The following MXI1 variants were observed in gnomAD, a reference collection of about 807,000 sequenced individuals.
MXI1 encodes the protein max-interacting protein 1.
MXI1 carries 18 observed loss-of-function variants against 36.9 expected under a neutral mutation model. The ratio of observed to expected loss-of-function variants is 0.49; its 90% confidence interval spans 0.34 to 0.72. MXI1 has a LOEUF of 0.72. Among genes scored for constraint, MXI1 ranks in the 30% least tolerant of loss-of-function variants. The probability of loss-of-function intolerance (pLI) is 0.01; values close to 1 mark genes in which losing one functional copy is unlikely to be tolerated. For synonymous variants in MXI1, 160 were observed against 146.7 expected, an observed-to-expected ratio of 1.09 and a Z score of -0.65; for missense variants, 304 against 379.1, an observed-to-expected ratio of 0.80 and a Z score of 1.64.
At position 110,210,717 on chromosome 10, in the gene MXI1, T is replaced by TG. The variant is rs1176146881; in HGVS notation, c.274+2641dup. On this transcript the variant is annotated intron_variant, in intron 1 of 5. Transcript: ENST00000332674. ...CGGGCCCTACATCTGCCTCGTTTTA[T>TG]GGGGGGCGCTTCTTCGCGCTGGCGG... Among the ~76,000 whole-genome samples, 3 of 152,304 alleles carry TG rather than the reference T, an allele frequency of 2.0e-5. No homozygotes were observed. In the East Asian group the frequency reaches 5.8e-4, roughly 29 times the overall value.
At chr10:110,239,937 CTTTT>C (rs199992349) in intron 2 of MXI1, among the ~76,000 whole-genome samples, 1 of 148,752 alleles carries the variant, frequency 6.7e-6, no homozygotes, top group Non-Finnish European at 1.5e-5. Flanking sequence ...GCAATTCCAA[CTTTT>C]TTTTTTAATT....
intron 3 of MXI1, among the ~76,000 whole-genome samples, chr10:110,275,886 T>C (rs1473281050): frequency 6.6e-6 from 1 of 152,144 alleles, no homozygotes; most frequent in Admixed American, 6.5e-5. Context: ...GTGAGATATC[T>C]CAGGGTATAT....
At chr10:110,272,263 A>G (rs1387138186) in intron 3 of MXI1, among the ~76,000 whole-genome samples, 1 of 152,240 alleles carries the variant, frequency 6.6e-6, no homozygotes, top group East Asian at 1.9e-4. Context: ...TCAGCTGAGT[A>G]TAATGCAAAT....
At chr10:110,245,676 T>C (rs1855836501) in intron 3 of MXI1, 1 of 152,124 alleles carries the variant, frequency 6.6e-6, no homozygotes, top group Non-Finnish European at 1.5e-5. Context: ...TAGGGAGCAG[T>C]TAAATAATTT....
intron 3 of MXI1, among the ~76,000 whole-genome samples, chr10:110,274,934 G>C (rs1296490129): frequency 7.0e-6 from 1 of 142,074 alleles, no homozygotes. Flanking sequence ...GAGTGCACTG[G>C]CGCGATCTCT....
chr10:110,274,642 C>A (rs909585003), intron 3 of MXI1, among the ~76,000 whole-genome samples: 1 of 152,164 alleles, frequency 6.6e-6, no homozygotes, highest in African/African-American at 2.4e-5. Flanking sequence ...AAGTCTAGTT[C>A]TATAAATGTT....
chr10:110,271,299 G>A (rs12357528), intron 3 of MXI1, among the ~76,000 whole-genome samples: 9,538 of 152,188 alleles, frequency 0.063, 465 homozygotes, highest in Non-Finnish European at 0.083. Flanking sequence ...CTGTTTGGAG[G>A]TCCTGGTGTT....
At chr10:110,268,592 A>G (rs892867747) in intron 3 of MXI1, among the ~76,000 whole-genome samples, 1 of 152,192 alleles carries the variant, frequency 6.6e-6, no homozygotes, top group Non-Finnish European at 1.5e-5. Context: ...CTTTCTATCT[A>G]CCTAAAAGTG....
In MXI1 at chr10:110,218,703, C is replaced by T. The variant is rs187336723; in HGVS notation, c.275-9486C>T. Among the ~76,000 whole-genome samples, 16 of 152,242 alleles carry T rather than the reference C, an allele frequency of 1.1e-4. No homozygotes were observed. In the East Asian group the frequency reaches 2.9e-3, roughly 28 times the overall value. On this transcript the variant is annotated intron_variant, in intron 1 of 5. Transcript: ENST00000332674. ...CCCAGCACCCCCTGGGGAACTCACC[C>T]AACCAGTAGGTCTCCTGTGGTTCTG...
intron 3 of MXI1, among the ~76,000 whole-genome samples, chr10:110,253,464 A>G (rs1856173635): frequency 6.6e-6 from 1 of 152,044 alleles, no homozygotes; most frequent in Non-Finnish European, 1.5e-5. Context: ...TTCACTGCCT[A>G]TTTTGTATGC....
At chr10:110,254,287 T>C (rs1192721362) in intron 3 of MXI1, among the ~76,000 whole-genome samples, 4 of 152,144 alleles carry the variant, frequency 2.6e-5, no homozygotes, top group Non-Finnish European at 4.4e-5. Flanking sequence ...GATGTTATTA[T>C]TGTAATTGTT....
In MXI1 at chr10:110,225,495, T is replaced by A. The variant is rs1275283606; in HGVS notation, c.275-2694T>A. ...AACAGCAATTTTGGCTTTTCCAGTTTCTGTGTGCGCTGTTGGTGCAGGTGT... is the reference window on the plus strand; with the variant it reads ...AACAGCAATTTTGGCTTTTCCAGTTACTGTGTGCGCTGTTGGTGCAGGTGT... On this transcript the variant is annotated intron_variant, in intron 1 of 5. Coordinates refer to ENST00000332674, the MANE Select transcript of MXI1 (RefSeq NM_130439.3). 2.0e-5 allele frequency among the ~76,000 whole-genome samples: 3 copies of A among 152,234 alleles called. No individual in the cohort carries two copies. The South Asian group carries it at 6.2e-4, about 32-fold the overall frequency.
intron 1 of MXI1, among the ~76,000 whole-genome samples, chr10:110,218,510 G>T (rs972481578): frequency 3.3e-5 from 5 of 152,082 alleles, no homozygotes; most frequent in African/African-American, 1.2e-4. Flanking sequence ...GTGCCCTTGA[G>T]GATGCCTCCC....
intron 1 of MXI1, among the ~76,000 whole-genome samples, chr10:110,222,407 A>G (rs1159919993): frequency 1.3e-5 from 2 of 152,224 alleles, no homozygotes; most frequent in East Asian, 1.9e-4. Flanking sequence ...GCCTCCCTGA[A>G]GAAAAGATAC....
chr10:110,226,213 G>A, intron 1 of MXI1: 2 of 1,483,724 alleles, frequency 1.3e-6, no homozygotes. Context: ...CGGTGCCCAT[G>A]GAGCGGGTGA....
intron 3 of MXI1, among the ~76,000 whole-genome samples, chr10:110,276,230 T>C (rs997673342): frequency 6.6e-6 from 1 of 152,260 alleles, no homozygotes; most frequent in Non-Finnish European, 1.5e-5. Context: ...ATCCTCGCTT[T>C]TTCATACACA....
chr10:110,230,489 CAAGA>C (rs1855220639), intron 2 of MXI1, among the ~76,000 whole-genome samples: 1 of 151,608 alleles, frequency 6.6e-6, no homozygotes, highest in South Asian at 2.1e-4. Context: ...ATATAAGTAG[CAAGA>C]AAGAGAGAGA....
intron 3 of MXI1, among the ~76,000 whole-genome samples, chr10:110,246,157 C>A (rs1037051279): frequency 1.1e-4 from 17 of 151,644 alleles, no homozygotes; most frequent in Middle Eastern, 3.4e-3. Flanking sequence ...TGCCCTCCAT[C>A]TCTACCAAAA....
At chr10:110,248,045 G>A (rs1324904630) in intron 3 of MXI1, among the ~76,000 whole-genome samples, 1 of 152,160 alleles carries the variant, frequency 6.6e-6, no homozygotes, top group Non-Finnish European at 1.5e-5. Flanking sequence ...GTCCTTTGTA[G>A]GGACATGGAT....
Sources: allele counts gnomAD v4.1 joint callset (sites outside exome capture counted in the v4.1 genomes callset), GRCh38; gene constraint gnomAD v4.1.1; transcripts MANE v1.5; gene names NCBI Gene and HGNC (gene_info 2026-07-23, HGNC 2026-07-21).